The following AKAP13 variants were observed in gnomAD, a reference collection of about 807,000 sequenced individuals.
AKAP13 encodes the protein A-kinase anchor protein 13.
AKAP13 carries 80 observed loss-of-function variants against 264.5 expected under a neutral mutation model. The ratio of observed to expected loss-of-function variants is 0.30; its 90% CI spans 0.25 to 0.36. The LOEUF (loss-of-function observed/expected upper bound fraction) is 0.36. AKAP13 is among the 10% of genes least tolerant of loss of function. The pLI is 1.00. For synonymous variants in AKAP13, 1,380 were observed against 1,250.2 expected (o/e 1.10, Z -2.19); for missense variants, 3,712 against 3,435.2 (o/e 1.08, Z -2.01).
chr15:85,422,768 G>C (rs1482679738), intron 1 of AKAP13, among the ~76,000 whole-genome samples: 4 of 151,942 alleles, frequency 2.6e-5, no homozygotes, highest in Non-Finnish European at 5.9e-5. Flanking sequence ...CAGATGTTCT[G>C]CAGTAAAATA....
At chr15:85,661,335 A>AT (rs966931084) in intron 12 of AKAP13, among the ~76,000 whole-genome samples, 3 of 152,074 alleles carry the variant, frequency 2.0e-5, no homozygotes, top group East Asian at 3.8e-4. Context: ...GATCAGATGG[A>AT]TTTTTTTTAT....
chr15:85,412,646 TC>T (rs1301734608), intron 1 of AKAP13, among the ~76,000 whole-genome samples: 1 of 152,216 alleles, frequency 6.6e-6, no homozygotes, highest in Non-Finnish European at 1.5e-5. Flanking sequence ...TTTGGGATTC[TC>T]AGTTTTTAAG....
chr15:85,439,099 A>G (rs1041037650), intron 1 of AKAP13, among the ~76,000 whole-genome samples: 1 of 151,980 alleles, frequency 6.6e-6, no homozygotes, highest in Non-Finnish European at 1.5e-5. Flanking sequence ...CAGAATCTAC[A>G]ATGAACTCAA....
intron 1 of AKAP13, among the ~76,000 whole-genome samples, chr15:85,433,112 G>C (rs1345194767): frequency 8.7e-6 from 1 of 114,290 alleles, no homozygotes; most frequent in African/African-American, 3.4e-5. Context: ...GTTCCCTTCT[G>C]TACAGTTTTT....
intron 5 of AKAP13, among the ~76,000 whole-genome samples, chr15:85,548,701 A>T (rs2077844947): frequency 6.6e-6 from 1 of 152,192 alleles, no homozygotes. Flanking sequence ...GAGTTAACTG[A>T]TCAATGAAAC....
rs367592984 is a variant in AKAP13 at position 85,655,399 on chromosome 15, G to A, written c.4375-18G>A. On this transcript the variant is annotated intron_variant, in intron 10 of 36. Transcript: ENST00000394518. Reference sequence around the variant, plus strand: ...GGCCCTGCTGGCTTCAACCATATGTGCTTTCTCTCCATTACAGCCAGAGGA... The same window carrying A: ...GGCCCTGCTGGCTTCAACCATATGTACTTTCTCTCCATTACAGCCAGAGGA... 1,081 of 1,605,986 alleles carry A rather than the reference G, an allele frequency of 6.7e-4. 5 individuals are homozygous for A. Among genetic ancestry groups the A allele is most frequent in the South Asian group, 8.5e-4 (77 of 90,204 alleles).
At chr15:85,695,456 G>A (rs2085515762) in intron 17 of AKAP13, among the ~76,000 whole-genome samples, 1 of 152,204 alleles carries the variant, frequency 6.6e-6, no homozygotes, top group Admixed American at 6.5e-5. Flanking sequence ...AGTTACTTCT[G>A]TGATGATTTT....
At chr15:85,403,777 C>T (rs2071536750) in intron 1 of AKAP13, among the ~76,000 whole-genome samples, 1 of 148,844 alleles carries the variant, frequency 6.7e-6, no homozygotes, top group Non-Finnish European at 1.5e-5. Flanking sequence ...GGAGGTGGTT[C>T]AAGCGATTCT....
At chr15:85,583,117 G>C in intron 7 of AKAP13, 1 of 985,460 alleles carries the variant, frequency 1.0e-6, no homozygotes, top group Non-Finnish European at 1.2e-6. Flanking sequence ...CCTGTTACCA[G>C]CTGTAGACAG....
At chr15:85,701,892 C>G (rs1382851437) in intron 17 of AKAP13, among the ~76,000 whole-genome samples, 1 of 152,120 alleles carries the variant, frequency 6.6e-6, no homozygotes, top group Non-Finnish European at 1.5e-5. Context: ...GAAATAGTCT[C>G]AACATCTGGT....
intron 23 of AKAP13, among the ~76,000 whole-genome samples, chr15:85,721,731 T>C (rs1157665091): frequency 6.6e-6 from 1 of 152,276 alleles, no homozygotes; most frequent in Non-Finnish European, 1.5e-5. Context: ...ATAAAGTTTC[T>C]TTAATTTTTT....
chr15:85,535,143 C>T (rs1260773866), intron 4 of AKAP13: 1 of 152,212 alleles, frequency 6.6e-6, no homozygotes, highest in African/African-American at 2.4e-5. Context: ...TCACTCTCCC[C>T]ACAGGTGAGC....
At chr15:85,607,710 T>G (rs111953051) in intron 8 of AKAP13, among the ~76,000 whole-genome samples, 1 of 152,250 alleles carries the variant, frequency 6.6e-6, no homozygotes, top group African/African-American at 2.4e-5. Flanking sequence ...TAAACATATT[T>G]TTGTGATAAC....
At chr15:85,601,834 A>G in intron 8 of AKAP13, among the ~76,000 whole-genome samples, 1 of 148,686 alleles carries the variant, frequency 6.7e-6, no homozygotes, top group African/African-American at 2.4e-5. Flanking sequence ...TTATTAATTC[A>G]TTTACTACAA....
At chr15:85,432,595 T>TCA (rs2073070715) in intron 1 of AKAP13, among the ~76,000 whole-genome samples, 1 of 152,188 alleles carries the variant, frequency 6.6e-6, no homozygotes, top group Admixed American at 6.5e-5. Context: ...AACTTTACTT[T>TCA]GTTATCTGAA....
intron 3 of AKAP13, among the ~76,000 whole-genome samples, chr15:85,527,719 A>G (rs955440073): frequency 9.9e-5 from 15 of 152,202 alleles, no homozygotes; most frequent in Non-Finnish European, 1.6e-4. Context: ...GCACACTACT[A>G]TTAGGTCCCC....
At chr15:85,504,500 T>A (rs1236148481) in intron 2 of AKAP13, among the ~76,000 whole-genome samples, 1 of 56,416 alleles carries the variant, frequency 1.8e-5, no homozygotes, top group African/African-American at 9.7e-5. Flanking sequence ...GACCCTGTCT[T>A]TACAAAAAAA....
chr15:85,642,130 A>G (rs951626699), intron 9 of AKAP13, among the ~76,000 whole-genome samples: 6 of 152,230 alleles, frequency 3.9e-5, no homozygotes, highest in African/African-American at 9.6e-5. Context: ...ATCATACATT[A>G]AAGGTTAATG....
At chr15:85,666,067 T>C (rs1190273603) in intron 13 of AKAP13, among the ~76,000 whole-genome samples, 3 of 152,202 alleles carry the variant, frequency 2.0e-5, no homozygotes, top group Non-Finnish European at 4.4e-5. Context: ...GGTCAAATGG[T>C]ATTTCTAGTT....
Sources: allele counts gnomAD v4.1 joint callset (sites outside exome capture counted in the v4.1 genomes callset), GRCh38; gene constraint gnomAD v4.1.1; transcripts MANE v1.5; gene names NCBI Gene and HGNC (gene_info 2026-07-23, HGNC 2026-07-21).